Variants in DMXL1 observed in about 807,000 individuals in gnomAD.
The protein encoded by DMXL1 is Dmx like 1.
DMXL1 carries 99 observed loss-of-function variants against 319.2 expected under a neutral mutation model. The observed-to-expected ratio is 0.31, with a 90% confidence interval of 0.26 to 0.37. The LOEUF is 0.37. Ranked by LOEUF, DMXL1 falls within the 10% of genes least tolerant of loss-of-function variation. The pLI is 1.00. For synonymous variants in DMXL1, 1,385 were observed against 1,235.2 expected (o/e 1.12, Z -2.54); for missense variants, 3,745 against 3,595.6 (o/e 1.04, Z -1.06).
intron 25 of DMXL1, among the ~76,000 whole-genome samples, chr5:119,173,698 GTATATATA>G (rs374795634): frequency 3.6e-5 from 2 of 55,850 alleles, no homozygotes; most frequent in Admixed American, 2.8e-4. Flanking sequence ...GTGTGTGTGT[GTATATATA>G]TATGTGTGTG....
In DMXL1 at chr5:119,143,915, T is replaced by A; in HGVS notation, c.2451T>A (p.Asp817Glu). The change falls in exon 14 of 44, where the codon GAT becomes GAA. Residue 817 changes from aspartate to glutamate, a missense_variant. Transcript: ENST00000539542. ...GGCCAGGATGCATTATTGCATTAGA[T>A]CCCATTACCAAACTTGTAAGTATTA... is the stretch of plus-strand genomic sequence containing the variant. ...TARPGCIIAL[D>E]PITKLHGRKT... 6.3e-7 allele frequency: 1 copy of A among 1,576,558 alleles called. No individual in the cohort carries two copies. The highest frequency in any genetic ancestry group is 8.6e-7 in the Non-Finnish European group (1 of 1,162,290).
chr5:119,182,025 A>G (rs1322509089), intron 28 of DMXL1, among the ~76,000 whole-genome samples: 3 of 152,178 alleles, frequency 2.0e-5, no homozygotes, highest in Non-Finnish European at 4.4e-5. Flanking sequence ...AGGCATTATT[A>G]TGTTGCCCTG....
chr5:119,081,582 A>G, intron 1 of DMXL1: 2 of 985,412 alleles, frequency 2.0e-6, no homozygotes, highest in Non-Finnish European at 2.4e-6. Flanking sequence ...AGGAGGAATA[A>G]GAACTCCTAA....
intron 27 of DMXL1, 36 bp downstream of exon 27, chr5:119,177,520 T>G: frequency 1.3e-6 from 2 of 1,545,254 alleles, no homozygotes; most frequent in Non-Finnish European, 1.7e-6. Flanking sequence ...TTTTTCTTAG[T>G]CTTATTTATA....
At chr5:119,242,130 G>T (rs1260654106) in intron 42 of DMXL1, among the ~76,000 whole-genome samples, 1 of 152,070 alleles carries the variant, frequency 6.6e-6, no homozygotes, top group Non-Finnish European at 1.5e-5. Flanking sequence ...TGCATTCATG[G>T]CATACTTTTT....
chr5:119,162,951 C>G (rs540229317), intron 19 of DMXL1, among the ~76,000 whole-genome samples: 285 of 152,150 alleles, frequency 1.9e-3, no homozygotes, highest in Middle Eastern at 6.8e-3. Flanking sequence ...AAATTTGAGG[C>G]CATATATCTC....
rs2149940409 is a variant in DMXL1, at chr5:119,120,484, C to T, written c.934-487C>T. ...TGAAAGATGGGAATAACAATATTTG[C>T]ACTGCCTGCCTCATGGCATCAAATG... On this transcript the variant is annotated intron_variant, in intron 8 of 43. Transcript: ENST00000539542. Among the ~76,000 whole-genome samples, 3 of 152,292 alleles carry T rather than the reference C, an allele frequency of 2.0e-5. No individual in the cohort carries two copies. In the South Asian group the frequency reaches 6.2e-4, roughly 32 times the overall value.
At chr5:119,083,045 G>T (rs776518757) in intron 1 of DMXL1, among the ~76,000 whole-genome samples, 1 of 151,954 alleles carries the variant, frequency 6.6e-6, no homozygotes, top group East Asian at 1.9e-4. Context: ...TTTTGTCAGA[G>T]TCTCAAAAAG....
At chr5:119,145,985 T>C (rs914720874) in intron 15 of DMXL1, among the ~76,000 whole-genome samples, 3 of 151,838 alleles carry the variant, frequency 2.0e-5, no homozygotes, top group Admixed American at 6.6e-5. Flanking sequence ...TCTCTTAATT[T>C]CTGTATTTTG....
At chr5:119,157,851 G>A (rs1008859118) in intron 19 of DMXL1, among the ~76,000 whole-genome samples, 1 of 152,006 alleles carries the variant, frequency 6.6e-6, no homozygotes, top group South Asian at 2.1e-4. Flanking sequence ...TTCTATTTCT[G>A]TGAAAAATGA....
intron 10 of DMXL1, among the ~76,000 whole-genome samples, chr5:119,130,206 G>A (rs1182042753): frequency 1.3e-5 from 2 of 152,016 alleles, no homozygotes; most frequent in African/African-American, 4.8e-5. Context: ...TTTCCACATT[G>A]TTAAGTTTGA....
chr5:119,199,529 T>C (rs1268844091), intron 32 of DMXL1, among the ~76,000 whole-genome samples: 1 of 152,200 alleles, frequency 6.6e-6, no homozygotes, highest in East Asian at 1.9e-4. Flanking sequence ...CGAACACTTG[T>C]GTGCATGTGT....
intron 28 of DMXL1, among the ~76,000 whole-genome samples, chr5:119,180,103 T>G (rs1776523645): frequency 6.6e-6 from 1 of 152,188 alleles, no homozygotes; most frequent in Non-Finnish European, 1.5e-5. Context: ...GCTTTACAAG[T>G]AGAAGCATTT....
At chr5:119,198,381 A>G (rs1780045912) in intron 32 of DMXL1, among the ~76,000 whole-genome samples, 1 of 152,232 alleles carries the variant, frequency 6.6e-6, no homozygotes, top group Non-Finnish European at 1.5e-5. Context: ...AAAAGCAACC[A>G]TAGACAACAT....
intron 31 of DMXL1, among the ~76,000 whole-genome samples, chr5:119,196,820 G>A (rs189405386): frequency 8.5e-5 from 13 of 152,184 alleles, no homozygotes; most frequent in African/African-American, 2.9e-4. Flanking sequence ...AAAGAAAGGG[G>A]CATGATAACA....
At chr5:119,093,152 C>T (rs902892861) in intron 1 of DMXL1, among the ~76,000 whole-genome samples, 9 of 151,706 alleles carry the variant, frequency 5.9e-5, no homozygotes, top group African/African-American at 1.9e-4. Context: ...GTCTCTGTGT[C>T]GCATTTTGGT....
chr5:119,105,148 A>C, intron 3 of DMXL1, 32 bp from the exon 4 acceptor site: 1 of 1,418,138 alleles, frequency 7.1e-7, no homozygotes, highest in Non-Finnish European at 1.0e-6. Context: ...TATGCCAATC[A>C]TAATGGGCTA....
intron 4 of DMXL1, among the ~76,000 whole-genome samples, chr5:119,106,521 G>C (rs796218562): frequency 3.3e-4 from 50 of 152,174 alleles, no homozygotes; most frequent in African/African-American, 1.0e-3. Flanking sequence ...TCTCAGTGGT[G>C]GTAAGGAGAT....
intron 38 of DMXL1, among the ~76,000 whole-genome samples, chr5:119,231,394 A>G (rs995640599): frequency 2.0e-5 from 3 of 152,200 alleles, no homozygotes; most frequent in Non-Finnish European, 4.4e-5. Context: ...CAATCCAGTC[A>G]GGTTCAGTCT....
Sources: gnomAD v4.1 joint callset for allele counts (sites outside exome capture counted in the v4.1 genomes callset) on GRCh38, gnomAD v4.1.1 for gene constraint, MANE v1.5 for transcripts, NCBI Gene and HGNC (gene_info 2026-07-23, HGNC 2026-07-21) for gene names.